The following PKNOX2 variants were observed in gnomAD, a reference collection of about 807,000 sequenced individuals.
PKNOX2 encodes PBX/knotted 1 homeobox 2, also known as homeobox protein PKNOX2.
A neutral mutation model predicts 53.1 loss-of-function variants in PKNOX2; 14 were observed. That is an observed-to-expected ratio of 0.26 (90% CI 0.17 to 0.41). PKNOX2 has a LOEUF of 0.41. PKNOX2 is among the 10% of genes least tolerant of loss of function. The pLI is 1.00. For missense variants in PKNOX2, 496 were observed against 602.8 expected (o/e 0.82, Z 1.85); for synonymous variants, 257 against 242.8 (o/e 1.06, Z -0.54).
chr11:125,399,452 G>A (rs1404222847), intron 7 of PKNOX2, among the ~76,000 whole-genome samples: 1 of 152,244 alleles, frequency 6.6e-6, no homozygotes, highest in African/African-American at 2.4e-5. Context: ...ACGCTGCGCA[G>A]TCCCGGTGAT....
At chr11:125,358,927 G>A (rs547674405) in intron 4 of PKNOX2, among the ~76,000 whole-genome samples, 11 of 152,348 alleles carry the variant, frequency 7.2e-5, no homozygotes, top group African/African-American at 7.2e-5. Flanking sequence ...GCCGGTGTTG[G>A]GGTCCGTTCA....
At chr11:125,412,995 T>C (rs1165396388) in intron 10 of PKNOX2, among the ~76,000 whole-genome samples, 5 of 152,172 alleles carry the variant, frequency 3.3e-5, no homozygotes, top group Non-Finnish European at 5.9e-5. Flanking sequence ...TGGGAAGTGC[T>C]GGACCTTCCT....
chr11:125,412,229 G>A (rs990954107), intron 10 of PKNOX2, among the ~76,000 whole-genome samples: 1 of 152,200 alleles, frequency 6.6e-6, no homozygotes, highest in Non-Finnish European at 1.5e-5. Flanking sequence ...CCCTCCCCCT[G>A]CCGCAGCCAC....
At chr11:125,382,809 T>C (rs542027776) in intron 5 of PKNOX2, among the ~76,000 whole-genome samples, 1 of 152,240 alleles carries the variant, frequency 6.6e-6, no homozygotes, top group Admixed American at 6.5e-5. Flanking sequence ...CACCTGGTTT[T>C]CTCTTTGTCT....
intron 2 of PKNOX2, among the ~76,000 whole-genome samples, chr11:125,324,540 G>C (rs1412079225): frequency 2.0e-5 from 3 of 152,176 alleles, no homozygotes; most frequent in Non-Finnish European, 2.9e-5. Flanking sequence ...TGGGGTGGCA[G>C]AGTAGTACCC....
intron 2 of PKNOX2, among the ~76,000 whole-genome samples, chr11:125,278,735 G>A (rs1006444882): frequency 1.3e-5 from 2 of 152,192 alleles, no homozygotes; most frequent in African/African-American, 4.8e-5. Flanking sequence ...AATGGCAGGT[G>A]AGAATCATAT....
intron 3 of PKNOX2, among the ~76,000 whole-genome samples, chr11:125,336,334 C>A (rs1056685666): frequency 6.6e-6 from 1 of 151,886 alleles, no homozygotes; most frequent in Admixed American, 6.6e-5. Context: ...TGCTTCAGCC[C>A]TTTTTTCTCA....
intron 2 of PKNOX2, among the ~76,000 whole-genome samples, chr11:125,292,919 G>T (rs1947396297): frequency 6.6e-6 from 1 of 152,138 alleles, no homozygotes; most frequent in South Asian, 2.1e-4. Context: ...CACAAAGTGG[G>T]AGACGATGCG....
chr11:125,183,198 CTTTTTTTTTT>C (rs10676031), intron 1 of PKNOX2, among the ~76,000 whole-genome samples: 1 of 85,856 alleles, frequency 1.2e-5, no homozygotes, highest in Non-Finnish European at 2.2e-5. Flanking sequence ...GCGATGAATC[CTTTTTTTTTT>C]TTTTTTTTTT....
At chr11:125,246,886 C>T (rs1943609358) in intron 2 of PKNOX2, among the ~76,000 whole-genome samples, 1 of 152,138 alleles carries the variant, frequency 6.6e-6, no homozygotes, top group African/African-American at 2.4e-5. Flanking sequence ...CCTCACTTTC[C>T]CATTCTCTCT....
At chr11:125,413,395 G>A (rs1955681667) in intron 10 of PKNOX2, among the ~76,000 whole-genome samples, 1 of 152,184 alleles carries the variant, frequency 6.6e-6, no homozygotes, top group Admixed American at 6.5e-5. Context: ...AGAGCCAGGG[G>A]GCTCAGATGG....
At position 125,386,815 on chromosome 11, in the gene PKNOX2, C is replaced by T. The variant is rs188126403; in HGVS notation, c.399+1093C>T. ...CTGTGCTGTGAATTATCCACACCAC[C>T]GCTTCTCTCAAGAGCTGAATATGTG... On this transcript the variant is annotated intron_variant, in intron 6 of 12. Transcript: ENST00000298282. Among the ~76,000 whole-genome samples the T allele has an allele frequency of 2.0e-3, 306 of 151,968 alleles. 2 individuals carry two copies. The highest frequency in any genetic ancestry group is 7.0e-3 in the African/African-American group (289 of 41,412).
intron 5 of PKNOX2, among the ~76,000 whole-genome samples, chr11:125,371,365 C>G (rs1032924143): frequency 6.6e-6 from 1 of 152,114 alleles, no homozygotes; most frequent in African/African-American, 2.4e-5. Context: ...CAGCCCCCAC[C>G]TCAACCCTGG....
At chr11:125,396,805 T>C (rs1954437000) in intron 6 of PKNOX2, among the ~76,000 whole-genome samples, 1 of 152,206 alleles carries the variant, frequency 6.6e-6, no homozygotes, top group African/African-American at 2.4e-5. Context: ...GAAGATAACA[T>C]GGTGAGCAAA....
chr11:125,314,309 C>T (rs953835295), intron 2 of PKNOX2, among the ~76,000 whole-genome samples: 9 of 152,118 alleles, frequency 5.9e-5, no homozygotes, highest in African/African-American at 1.7e-4. Context: ...TTGCTCGCAA[C>T]GTCACCATGG....
chr11:125,249,119 T>C (rs1246084718), intron 2 of PKNOX2, among the ~76,000 whole-genome samples: 1 of 137,446 alleles, frequency 7.3e-6, no homozygotes, highest in African/African-American at 2.9e-5. Flanking sequence ...AGGGTGATTA[T>C]AAATTTTTAC....
intron 1 of PKNOX2, among the ~76,000 whole-genome samples, chr11:125,169,814 T>C (rs1200278285): frequency 6.6e-6 from 1 of 152,224 alleles, no homozygotes; most frequent in Non-Finnish European, 1.5e-5. Flanking sequence ...TAGGCTATAG[T>C]AAAGGGGCTG....
intron 12 of PKNOX2, among the ~76,000 whole-genome samples, chr11:125,430,419 T>A (rs1771382403): frequency 1.3e-5 from 2 of 152,130 alleles, no homozygotes. Context: ...CCCATCTGAG[T>A]TCCTTAGCAC....
intron 2 of PKNOX2, among the ~76,000 whole-genome samples, chr11:125,273,687 T>C (rs1050311240): frequency 6.6e-6 from 1 of 152,206 alleles, no homozygotes; most frequent in Non-Finnish European, 1.5e-5. Flanking sequence ...GGTGTGACCT[T>C]GGGCAACACC....
Sources: gnomAD v4.1 joint callset for allele counts (sites outside exome capture counted in the v4.1 genomes callset) on GRCh38, gnomAD v4.1.1 for gene constraint, MANE v1.5 for transcripts, NCBI Gene and HGNC (gene_info 2026-07-23, HGNC 2026-07-21) for gene names.